Variants in LINGO2 observed in about 807,000 individuals in gnomAD.
The protein encoded by LINGO2 is leucine-rich repeat and immunoglobulin-like domain-containing nogo receptor-interacting protein 2.
LINGO2 carries 14 observed loss-of-function variants against 30.6 expected under a neutral mutation model. The observed-to-expected ratio is 0.46, with a 90% CI of 0.30 to 0.72. LINGO2 has a LOEUF of 0.72. LINGO2 is among the 30% of genes least tolerant of loss of function. The pLI is 0.07. For missense variants in LINGO2, 729 were observed against 751.7 expected, an observed-to-expected ratio of 0.97 and a Z score of 0.35; for synonymous variants, 317 against 288.5, an observed-to-expected ratio of 1.10 and a Z score of -1.00.
the LINGO2 span, among the ~76,000 whole-genome samples, chr9:28,781,322 G>C: frequency 6.6e-6 from 1 of 152,016 alleles, no homozygotes; most frequent in Non-Finnish European, 1.5e-5. Flanking sequence ...AGGGTTGGGG[G>C]GTTAGACCAT....
chr9:28,238,801 TAA>T (rs1439950016), intron 4 of LINGO2, among the ~76,000 whole-genome samples: 11 of 124,882 alleles, frequency 8.8e-5, no homozygotes, highest in African/African-American at 3.2e-4. Context: ...AGAACAGAAA[TAA>T]ATAAATTTGA....
chr9:28,156,783 G>T (rs769918485), intron 4 of LINGO2, among the ~76,000 whole-genome samples: 2 of 152,202 alleles, frequency 1.3e-5, no homozygotes, highest in East Asian at 1.9e-4. Context: ...AAACAAAGGG[G>T]CCACAGGCCC....
At chr9:29,084,146 A>G in the LINGO2 span, among the ~76,000 whole-genome samples, 3 of 152,082 alleles carry the variant, frequency 2.0e-5, no homozygotes, top group Non-Finnish European at 2.9e-5. Context: ...AGACAATTCA[A>G]TTCATGACAA....
At chr9:28,378,061 T>C (rs1002763648) in intron 2 of LINGO2, among the ~76,000 whole-genome samples, 1 of 152,230 alleles carries the variant, frequency 6.6e-6, no homozygotes, top group Non-Finnish European at 1.5e-5. Flanking sequence ...TTATACTTTC[T>C]ATTTAAGCAT....
At chr9:29,008,501 C>T in the LINGO2 span, among the ~76,000 whole-genome samples, 3 of 152,168 alleles carry the variant, frequency 2.0e-5, no homozygotes, top group Non-Finnish European at 4.4e-5. Flanking sequence ...GGAATCACCA[C>T]ACTGTCTTCC....
At chr9:28,164,329 A>G (rs114945341) in intron 4 of LINGO2, among the ~76,000 whole-genome samples, 1 of 152,222 alleles carries the variant, frequency 6.6e-6, no homozygotes, top group Admixed American at 6.5e-5. Flanking sequence ...TATAACAACT[A>G]TATTAACAAA....
chr9:28,167,495 C>A (rs1467419666), intron 4 of LINGO2, among the ~76,000 whole-genome samples: 1 of 152,202 alleles, frequency 6.6e-6, no homozygotes, highest in Non-Finnish European at 1.5e-5. Context: ...ATTCTCATGC[C>A]TCAACCTCCT....
intron 5 of LINGO2, among the ~76,000 whole-genome samples, chr9:27,979,821 G>A (rs937297986): frequency 6.6e-6 from 1 of 151,944 alleles, no homozygotes; most frequent in Admixed American, 6.6e-5. Context: ...AAGGAAAAAG[G>A]CTTTCACAGG....
intron 2 of LINGO2, among the ~76,000 whole-genome samples, chr9:28,405,788 C>T (rs1293524876): frequency 6.6e-6 from 1 of 152,102 alleles, no homozygotes; most frequent in Non-Finnish European, 1.5e-5. Context: ...CTCTTCATTT[C>T]CCACCTCCAA....
chr9:28,700,758 A>G, the LINGO2 span, among the ~76,000 whole-genome samples: 1 of 152,092 alleles, frequency 6.6e-6, no homozygotes, highest in Admixed American at 6.6e-5. Context: ...ACCACTTTTC[A>G]TGTCCACCAG....
chr9:28,379,421 A>G (rs1394652951), intron 2 of LINGO2, among the ~76,000 whole-genome samples: 1 of 152,126 alleles, frequency 6.6e-6, no homozygotes, highest in Non-Finnish European at 1.5e-5. Flanking sequence ...CACTGTAAAT[A>G]AAATCAGAAG....
At chr9:27,949,935 A>C (rs765739942) in exon 6 of LINGO2, 2 of 1,614,168 alleles carry the variant, frequency 1.2e-6, no homozygotes, top group Non-Finnish European at 1.7e-6. Flanking sequence ...GAGACCGTAG[A>C]GGCTATTGGC....
the LINGO2 span, among the ~76,000 whole-genome samples, chr9:28,972,943 C>T: frequency 2.2e-4 from 34 of 152,138 alleles, no homozygotes; most frequent in South Asian, 5.8e-3. Flanking sequence ...ATGAGAGCTG[C>T]AATTCAAGAT....
chr9:28,280,370 T>A (rs1823276591), intron 4 of LINGO2, among the ~76,000 whole-genome samples: 1 of 151,970 alleles, frequency 6.6e-6, no homozygotes, highest in Admixed American at 6.6e-5. Context: ...AAACCTAAAC[T>A]CAGGGTAATA....
chr9:28,165,881 G>T (rs1484193513), intron 4 of LINGO2, among the ~76,000 whole-genome samples: 2 of 152,052 alleles, frequency 1.3e-5, no homozygotes, highest in African/African-American at 4.8e-5. Flanking sequence ...AGAATCCTAG[G>T]ATAGGAACAC....
intron 4 of LINGO2, among the ~76,000 whole-genome samples, chr9:28,234,804 C>T (rs1821500249): frequency 1.3e-5 from 2 of 149,134 alleles, no homozygotes; most frequent in Non-Finnish European, 2.9e-5. Context: ...TTGCAGATGA[C>T]CTATTGTGGG....
chr9:28,537,704 A>T (rs1224162308), intron 1 of LINGO2, among the ~76,000 whole-genome samples: 1 of 152,052 alleles, frequency 6.6e-6, no homozygotes, highest in Non-Finnish European at 1.5e-5. Context: ...GAATACATAA[A>T]AGGTATGATG....
intron 4 of LINGO2, among the ~76,000 whole-genome samples, chr9:28,086,547 C>T (rs747386554): frequency 6.6e-6 from 1 of 151,998 alleles, no homozygotes; most frequent in Non-Finnish European, 1.5e-5. Context: ...CTCATTTCTC[C>T]TGCCTAATGA....
chr9:28,872,193 C>T, the LINGO2 span, among the ~76,000 whole-genome samples: 1 of 152,002 alleles, frequency 6.6e-6, no homozygotes, highest in South Asian at 2.1e-4. Context: ...GATAAAATAT[C>T]TATTGTGTTT....
Sources: allele counts gnomAD v4.1 joint callset (sites outside exome capture counted in the v4.1 genomes callset), GRCh38; gene constraint gnomAD v4.1.1; transcripts MANE v1.5; gene names NCBI Gene and HGNC (gene_info 2026-07-23, HGNC 2026-07-21).